TIAM1: variants seen among roughly 807,000 people sequenced by gnomAD.
TIAM1 encodes the protein TIAM Rac1 associated GEF 1, also known as rho guanine nucleotide exchange factor TIAM1.
In TIAM1, 65 loss-of-function variants were observed where a neutral mutation model predicts 163.5. The ratio of observed to expected loss-of-function variants is 0.40; its 90% CI spans 0.33 to 0.49. The LOEUF (loss-of-function observed/expected upper bound fraction) is 0.49, where lower values mean the gene tolerates loss of function less well. Ranked by LOEUF, TIAM1 falls within the 20% of genes least tolerant of loss-of-function variation. The pLI is 0.77. For missense variants in TIAM1, 1,789 were observed against 2,044.7 expected (o/e 0.87, Z 2.41); for synonymous variants, 833 against 810.1 (o/e 1.03, Z -0.48).
chr21:31,456,771 T>A (rs900164221), intron 2 of TIAM1, among the ~76,000 whole-genome samples: 5 of 152,132 alleles, frequency 3.3e-5, no homozygotes, highest in African/African-American at 1.2e-4. Flanking sequence ...CATTAATACC[T>A]CAACACTTAT....
chr21:31,301,311 C>G (rs966467321), intron 2 of TIAM1, among the ~76,000 whole-genome samples: 1 of 152,116 alleles, frequency 6.6e-6, no homozygotes, highest in Non-Finnish European at 1.5e-5. Context: ...TAAAATTCTA[C>G]AATAAAAACC....
intron 2 of TIAM1, among the ~76,000 whole-genome samples, chr21:31,452,193 C>A (rs1473758448): frequency 6.6e-6 from 1 of 152,164 alleles, no homozygotes; most frequent in Non-Finnish European, 1.5e-5. Flanking sequence ...TTCATCTAAG[C>A]AGGCTGGGCC....
intron 2 of TIAM1, among the ~76,000 whole-genome samples, chr21:31,377,033 C>CTTT (rs35487868): frequency 0.085 from 6,887 of 80,858 alleles, 433 homozygotes; most frequent in Non-Finnish European, 0.1. Flanking sequence ...TCATTTTTGT[C>CTTT]TTTTTTTTTT....
intron 3 of TIAM1, among the ~76,000 whole-genome samples, chr21:31,270,882 G>A (rs1048517175): frequency 1.6e-4 from 25 of 152,156 alleles, no homozygotes; most frequent in Non-Finnish European, 3.7e-4. Flanking sequence ...GCCTGTGCCT[G>A]TCCCTCTGCC....
At chr21:31,494,898 GCAACACCTGC>G (rs2046589876) in intron 1 of TIAM1, among the ~76,000 whole-genome samples, 2 of 152,090 alleles carry the variant, frequency 1.3e-5, no homozygotes, top group Non-Finnish European at 2.9e-5. Flanking sequence ...CTAGCACAAA[GCAACACCTGC>G]AGAAAAGTGC....
chr21:31,419,880 G>A (rs8127327), intron 2 of TIAM1, among the ~76,000 whole-genome samples: 19,286 of 151,966 alleles, frequency 0.13, 1,865 homozygotes, highest in African/African-American at 0.26. Context: ...GTGAAACCCC[G>A]TCTCTACTAA....
In TIAM1 at chr21:31,466,957, A is replaced by G. The variant is rs12482065; in HGVS notation, c.-421-2922T>C. Among the ~76,000 whole-genome samples, 582 of 151,460 alleles carry G rather than the reference A, an allele frequency of 3.8e-3. 4 individuals carry two copies. The highest frequency in any genetic ancestry group is 0.013 in the African/African-American group (544 of 40,956). On this transcript the variant is annotated intron_variant, in intron 1 of 28. Coordinates refer to the TIAM1 transcript ENST00000286827. ...AAAGTGGCCTTGTAATGACAGGCAT[A>G]TAAATAAAATAGGCCAAAAAAAAAA...
chr21:31,387,195 CT>C (rs60592178), intron 2 of TIAM1, among the ~76,000 whole-genome samples: 5,261 of 74,352 alleles, frequency 0.071, 100 homozygotes, highest in African/African-American at 0.15. Flanking sequence ...AGCTTATTCT[CT>C]TTTTTTTTTT....
intron 15 of TIAM1, among the ~76,000 whole-genome samples, chr21:31,181,357 T>C (rs2085002217): frequency 6.6e-6 from 1 of 152,054 alleles, no homozygotes; most frequent in Non-Finnish European, 1.5e-5. Context: ...TGAGGGCCCA[T>C]ATGGAAGTCA....
At chr21:31,271,260 A>G (rs1055626127) in intron 3 of TIAM1, among the ~76,000 whole-genome samples, 1 of 152,104 alleles carries the variant, frequency 6.6e-6, no homozygotes, top group Non-Finnish European at 1.5e-5. Flanking sequence ...AAATACTGGA[A>G]TGAATGAATG....
chr21:31,122,191 GA>G (rs2082028068), intron 27 of TIAM1, among the ~76,000 whole-genome samples: 2 of 152,042 alleles, frequency 1.3e-5, no homozygotes, highest in Admixed American at 1.3e-4. Flanking sequence ...TAAAACTGTG[GA>G]ACAAATGGAC....
At chr21:31,280,617 C>T (rs1463143549) in intron 2 of TIAM1, among the ~76,000 whole-genome samples, 1 of 152,042 alleles carries the variant, frequency 6.6e-6, no homozygotes, top group Non-Finnish European at 1.5e-5. Context: ...GGAAGTATTA[C>T]CAAAACTAAT....
At chr21:31,470,088 C>T (rs60141744) in intron 1 of TIAM1, among the ~76,000 whole-genome samples, 34,121 of 149,320 alleles carry the variant, frequency 0.23, 4,115 homozygotes, top group African/African-American at 0.25. Flanking sequence ...ACTGCAACCC[C>T]TGGCCCCCTA....
At chr21:31,435,510 G>A (rs1273290199) in intron 2 of TIAM1, among the ~76,000 whole-genome samples, 1 of 152,166 alleles carries the variant, frequency 6.6e-6, no homozygotes, top group Non-Finnish European at 1.5e-5. Flanking sequence ...GCTGCATGTA[G>A]TACTAATGAC....
chr21:31,278,170 G>C (rs2073387638), intron 2 of TIAM1, among the ~76,000 whole-genome samples: 2 of 152,194 alleles, frequency 1.3e-5, no homozygotes, highest in African/African-American at 4.8e-5. Flanking sequence ...TGCTGAAAGA[G>C]AGTAAAACAG....
At chr21:31,145,883 T>C (rs1255367235) in intron 20 of TIAM1, among the ~76,000 whole-genome samples, 1 of 152,164 alleles carries the variant, frequency 6.6e-6, no homozygotes, top group Non-Finnish European at 1.5e-5. Context: ...ATCAACATTA[T>C]AACAAAATGA....
At chr21:31,223,671 A>C in intron 7 of TIAM1, 80 bp from the exon 8 acceptor site, 1 of 1,382,474 alleles carries the variant, frequency 7.2e-7, no homozygotes, top group Non-Finnish European at 9.7e-7. Flanking sequence ...ATACAGATCT[A>C]TATGTCGTAA....
intron 2 of TIAM1, among the ~76,000 whole-genome samples, chr21:31,439,328 C>T (rs767557763): frequency 2.6e-5 from 4 of 152,302 alleles, no homozygotes; most frequent in Non-Finnish European, 5.9e-5. Flanking sequence ...CTTACTCTGT[C>T]GCCCAGGCTG....
chr21:31,354,057 C>T (rs901173224), intron 2 of TIAM1, among the ~76,000 whole-genome samples: 6 of 151,814 alleles, frequency 4.0e-5, no homozygotes, highest in East Asian at 1.9e-4. Context: ...AGGCTGGTCT[C>T]GAACACCCGA....
Sources: allele counts gnomAD v4.1 joint callset (sites outside exome capture counted in the v4.1 genomes callset), GRCh38; gene constraint gnomAD v4.1.1; transcripts MANE v1.5; gene names NCBI Gene and HGNC (gene_info 2026-07-23, HGNC 2026-07-21).